RAP1GAP2: variants seen among roughly 807,000 people sequenced by gnomAD.
The protein encoded by RAP1GAP2 is RAP1 GTPase activating protein 2.
Under a neutral mutation model 95.0 loss-of-function variants are expected in RAP1GAP2, and 27 were observed. That is an observed-to-expected ratio of 0.28 (90% confidence interval 0.21 to 0.39). RAP1GAP2 has a LOEUF of 0.39. Ranked by LOEUF, RAP1GAP2 falls within the 10% of genes least tolerant of loss-of-function variation. The pLI is 1.00. For missense variants in RAP1GAP2, 771 were observed against 970.0 expected (o/e 0.79, Z 2.72); for synonymous variants, 373 against 380.9 (o/e 0.98, Z 0.24).
In RAP1GAP2 at chr17:2,845,921, C is replaced by T. The variant is rs543850799; in HGVS notation, c.80+45371C>T. ...CTTATCAGCCGGGTGTGGTGGCTCA[C>T]GCCTGTAATTCCAGCACTTTCGGAG... On this transcript the variant is annotated intron_variant, in intron 2 of 24. Coordinates refer to ENST00000254695, the MANE Select transcript of RAP1GAP2 (RefSeq NM_015085.5). Among the ~76,000 whole-genome samples the T allele has an allele frequency of 1.3e-4, 20 of 151,966 alleles. No individual in the cohort carries two copies. The South Asian group carries it at 4.0e-3, about 30-fold the overall frequency.
Position 3,006,052 on chromosome 17 carries a change from G to A in RAP1GAP2, c.1359+11G>A, listed in dbSNP as rs1442677982. On this transcript the variant is annotated intron_variant, in intron 16 of 24. Transcript: ENST00000254695. ...TTTGCAAAGCTGGAGGTGAGAGTGT[G>A]GTTTCTGAAGGTCTCCCTCCTGACT... 1.2e-6 allele frequency: 2 copies of A among 1,607,598 alleles called. No homozygotes were observed. The highest frequency in any genetic ancestry group is 2.7e-5 in the African/African-American group (2 of 74,574).
chr17:2,798,539 C>A (rs866199757), intron 1 of RAP1GAP2, among the ~76,000 whole-genome samples: 8 of 151,944 alleles, frequency 5.3e-5, no homozygotes, highest in Non-Finnish European at 8.8e-5. Context: ...ATTCCTGGAG[C>A]CCTGGTCCCT....
At chr17:2,914,782 GC>G (rs2042512116) in intron 3 of RAP1GAP2, among the ~76,000 whole-genome samples, 1 of 144,858 alleles carries the variant, frequency 6.9e-6, no homozygotes, top group African/African-American at 2.6e-5. Flanking sequence ...GAGCCACTGT[GC>G]CCGGCCACTT....
At chr17:2,859,108 CTTTTTTTTTTTT>C (rs773356177) in intron 2 of RAP1GAP2, among the ~76,000 whole-genome samples, 2 of 130,500 alleles carry the variant, frequency 1.5e-5, no homozygotes, top group African/African-American at 5.7e-5. Flanking sequence ...TCCTCCAACT[CTTTTTTTTTTTT>C]TTTTTTTTGA....
At chr17:2,771,032 G>T (rs1052160339) in intron 2 of RAP1GAP2, among the ~76,000 whole-genome samples, 5 of 152,014 alleles carry the variant, frequency 3.3e-5, no homozygotes, top group African/African-American at 1.2e-4. Flanking sequence ...GGGCAACAGA[G>T]GGAGACTCTG....
At chr17:2,838,871 C>A (rs943693670) in intron 2 of RAP1GAP2, among the ~76,000 whole-genome samples, 1 of 152,186 alleles carries the variant, frequency 6.6e-6, no homozygotes, top group Non-Finnish European at 1.5e-5. Flanking sequence ...ATTTGCTAAC[C>A]TTCCTTATTA....
chr17:3,021,625 G>A (rs2046965042), intron 19 of RAP1GAP2, among the ~76,000 whole-genome samples: 1 of 152,008 alleles, frequency 6.6e-6, no homozygotes, highest in Non-Finnish European at 1.5e-5. Context: ...GGTAGAGACG[G>A]GGTTTTGCCA....
chr17:2,820,163 G>A (rs1054543208), intron 2 of RAP1GAP2, among the ~76,000 whole-genome samples: 3 of 152,110 alleles, frequency 2.0e-5, no homozygotes, highest in African/African-American at 7.2e-5. Context: ...ATCCCCTCTT[G>A]CTGGACACCT....
rs2072200938 is a variant in RAP1GAP2, at chr17:2,857,664, C to T, written c.81-47620C>T. ...CCAGGAGACACCTGGATGAAGCCTT[C>T]CTCAGAGACTGCGGTTTGGAAACCA... On this transcript the variant is annotated intron_variant, in intron 2 of 24. Transcript: ENST00000254695. The surrounding 1 kb of genome is among the most constrained non-coding windows in gnomAD (Gnocchi z 4.0). Among the ~76,000 whole-genome samples the T allele has an allele frequency of 6.6e-6, 1 of 152,140 alleles. No homozygotes were observed. Among genetic ancestry groups the T allele is most frequent in the Non-Finnish European group, 1.5e-5 (1 of 68,030 alleles).
intron 20 of RAP1GAP2, 68 bp from the exon 21 acceptor site, chr17:3,026,282 G>A (rs2047113377): frequency 1.4e-6 from 2 of 1,417,948 alleles, no homozygotes; most frequent in East Asian, 2.5e-5. Flanking sequence ...AGAGGTCCCG[G>A]GGAGGACCCT....
At chr17:2,919,588 C>T (rs1043015371) in intron 3 of RAP1GAP2, among the ~76,000 whole-genome samples, 13 of 149,656 alleles carry the variant, frequency 8.7e-5, no homozygotes, top group African/African-American at 2.2e-4. Flanking sequence ...GGGGGCCAGG[C>T]GGGGGAGCAG....
chr17:2,772,513 G>T (rs1242909444), upstream of RAP1GAP2, among the ~76,000 whole-genome samples: 1 of 151,954 alleles, frequency 6.6e-6, no homozygotes, highest in Non-Finnish European at 1.5e-5. Flanking sequence ...GCCCAGGCTG[G>T]TCAACTCCTA....
At chr17:2,893,232 G>T (rs1307165618) in intron 2 of RAP1GAP2, among the ~76,000 whole-genome samples, 1 of 152,002 alleles carries the variant, frequency 6.6e-6, no homozygotes, top group Admixed American at 6.6e-5. Flanking sequence ...GTAGAGACGT[G>T]GTTTCTCCAT....
At chr17:2,985,633 A>G (rs2045531883) in intron 11 of RAP1GAP2, among the ~76,000 whole-genome samples, 1 of 152,166 alleles carries the variant, frequency 6.6e-6, no homozygotes, top group Non-Finnish European at 1.5e-5. Flanking sequence ...CCAGCACACC[A>G]CTGCTCAGCC....
rs917540694 is a variant in RAP1GAP2 at position 2,891,814 on chromosome 17, C to CTTTTTTTTTTTTT, written c.81-13456_81-13444dup. On this transcript the variant is annotated intron_variant, in intron 2 of 24. Coordinates refer to ENST00000254695, the MANE Select transcript of RAP1GAP2 (RefSeq NM_015085.5). ...TGATATGCAGATTCATATTTCTTTT[C>CTTTTTTTTTTTTT]TTTTTTTTTTTTTTTTTTTTTTTTT... is the stretch of plus-strand genomic sequence containing the variant. 1.9e-3 allele frequency among the ~76,000 whole-genome samples: 103 copies of CTTTTTTTTTTTTT among 54,270 alleles called. 9 individuals carry two copies. The highest frequency in any genetic ancestry group is 2.2e-3 in the African/African-American group (31 of 14,268). 35.6% of individuals were successfully genotyped at this position (54,270 alleles called of 152,430 possible).
intron 9 of RAP1GAP2, 94 bp from the exon 10 acceptor site, chr17:2,981,101 C>A (rs910527402): frequency 5.9e-6 from 7 of 1,195,452 alleles, no homozygotes; most frequent in African/African-American, 1.5e-5. Context: ...CCATGTGCCT[C>A]GCCCTCCCAT....
chr17:2,760,649 CT>C (rs1385414610), intron 1 of RAP1GAP2, among the ~76,000 whole-genome samples: 11 of 148,292 alleles, frequency 7.4e-5, no homozygotes, highest in African/African-American at 1.5e-4. Flanking sequence ...CCAACTTTCA[CT>C]TTTTTTTTTA....
At chr17:2,907,285 A>G (rs1203315009) in intron 3 of RAP1GAP2, among the ~76,000 whole-genome samples, 1 of 152,132 alleles carries the variant, frequency 6.6e-6, no homozygotes, top group Non-Finnish European at 1.5e-5. Flanking sequence ...CTAGAGGGAA[A>G]TGGCGGTGGT....
intron 3 of RAP1GAP2, among the ~76,000 whole-genome samples, chr17:2,907,607 T>C (rs1209679962): frequency 6.6e-6 from 1 of 151,898 alleles, no homozygotes; most frequent in Admixed American, 6.6e-5. Context: ...AGGTAGGGCT[T>C]TTTGTTAGGA....
Sources: allele counts gnomAD v4.1 joint callset (sites outside exome capture counted in the v4.1 genomes callset), GRCh38; gene constraint gnomAD v4.1.1; non-coding constraint Gnocchi (gnomAD v3.1); transcripts MANE v1.5; gene names NCBI Gene and HGNC (gene_info 2026-07-23, HGNC 2026-07-21).